The following E2F5 variants were observed in gnomAD, a reference collection of about 807,000 sequenced individuals.
E2F5 encodes transcription factor E2F5.
In E2F5, 23 loss-of-function variants were observed where a neutral mutation model predicts 39.1. That is an observed-to-expected ratio of 0.59 (90% CI 0.42 to 0.83). E2F5 has a LOEUF of 0.83. E2F5 is among the 40% of genes least tolerant of loss of function. E2F5 has a pLI of 0.00. For missense variants in E2F5, 365 were observed against 406.7 expected, an observed-to-expected ratio of 0.90 and a Z score of 0.88; for synonymous variants, 145 against 157.8, an observed-to-expected ratio of 0.92 and a Z score of 0.61.
intron 1 of E2F5, among the ~76,000 whole-genome samples, chr8:85,186,295 T>G (rs1467249863): frequency 6.6e-6 from 1 of 151,324 alleles, no homozygotes; most frequent in African/African-American, 2.4e-5. Context: ...CACTCGTAAG[T>G]GGGAGTTGAA....
Position 85,213,842 on chromosome 8 carries a change from G to A in E2F5, c.1021G>A (p.Val341Ile), listed in dbSNP as rs762537054. 2.5e-6 allele frequency: 4 copies of A among 1,605,112 alleles called. No individual in the cohort carries two copies. The Admixed American group carries it at 6.7e-5, about 27-fold the overall frequency. Residue 341 changes from valine (V) to isoleucine (I), a missense_variant, in exon 8 of 8, where the codon GTC becomes ATC. Physicochemically the swap from Val to Ile is conservative, Grantham distance 29 (BLOSUM62 3). Transcript: ENST00000416274. ...DNEGVCDLFDVQILNY is the reference protein window; with the variant it reads ...DNEGVCDLFDIQILNY The stretch of plus-strand genomic sequence containing the variant: ...CGAAGGAGTTTGTGATCTGTTTGAT[G>A]TCCAGATACTAAATTATTAGATTCC...
intron 4 of E2F5, among the ~76,000 whole-genome samples, chr8:85,206,933 A>G (rs961247026): frequency 3.3e-5 from 5 of 152,192 alleles, no homozygotes; most frequent in African/African-American, 4.8e-5. Context: ...GTTCTATTTT[A>G]CCACTGTATT....
chr8:85,184,029 CA>C (rs1391910897), intron 1 of E2F5, among the ~76,000 whole-genome samples: 1 of 151,826 alleles, frequency 6.6e-6, no homozygotes, highest in Non-Finnish European at 1.5e-5. Context: ...ATCTGTAAGC[CA>C]AGGAGCGAGG....
chr8:85,200,743 G>A (rs1812678684), intron 1 of E2F5, among the ~76,000 whole-genome samples: 2 of 152,328 alleles, frequency 1.3e-5, no homozygotes, highest in South Asian at 2.1e-4. Context: ...CAGCCTCGAA[G>A]TCAAGAGTAA....
intron 1 of E2F5, among the ~76,000 whole-genome samples, chr8:85,195,521 ACTCT>A (rs1338825688): frequency 6.6e-6 from 1 of 152,016 alleles, no homozygotes; most frequent in Non-Finnish European, 1.5e-5. Flanking sequence ...ACAGGGTCTC[ACTCT>A]GTCACCCAGG....
At chr8:85,178,576 A>G in intron 1 of E2F5, among the ~76,000 whole-genome samples, 1 of 152,220 alleles carries the variant, frequency 6.6e-6, no homozygotes, top group East Asian at 1.9e-4. Context: ...GAAACAAACA[A>G]ACAAAAAACA....
At chr8:85,181,288 T>C (rs976070273) in intron 1 of E2F5, among the ~76,000 whole-genome samples, 2 of 152,172 alleles carry the variant, frequency 1.3e-5, no homozygotes, top group African/African-American at 4.8e-5. Context: ...TTCTATCTTA[T>C]GCTGCTGGAG....
intron 1 of E2F5, among the ~76,000 whole-genome samples, chr8:85,189,667 CCT>C (rs1480319870): frequency 6.6e-6 from 1 of 152,150 alleles, no homozygotes; most frequent in Non-Finnish European, 1.5e-5. Context: ...CTGCACCCAA[CCT>C]CTTTTTCCAA....
intron 1 of E2F5, among the ~76,000 whole-genome samples, chr8:85,185,160 CAG>C (rs1812302491): frequency 6.6e-6 from 1 of 152,134 alleles, no homozygotes; most frequent in African/African-American, 2.4e-5. Flanking sequence ...GGTACCAAAA[CAG>C]ATATATAGAC....
chr8:85,194,270 C>T (rs4150906), intron 1 of E2F5, among the ~76,000 whole-genome samples: 3 of 151,998 alleles, frequency 2.0e-5, no homozygotes, highest in African/African-American at 4.8e-5. Flanking sequence ...ATGGGCTATT[C>T]GGCAGTTAAT....
chr8:85,190,468 C>T (rs1038326604), intron 1 of E2F5, among the ~76,000 whole-genome samples: 3 of 146,812 alleles, frequency 2.0e-5, no homozygotes, highest in Non-Finnish European at 3.0e-5. Flanking sequence ...AGTTGCTAAT[C>T]AGCTGATTTT....
intron 1 of E2F5, among the ~76,000 whole-genome samples, chr8:85,192,165 A>T (rs1812481025): frequency 1.3e-5 from 2 of 152,140 alleles, no homozygotes; most frequent in African/African-American, 4.8e-5. Flanking sequence ...GAATAGGAAA[A>T]ATTATCAATG....
Position 85,193,335 on chromosome 8 carries a change from T to A in E2F5, c.235-8812T>A, listed in dbSNP as rs902159100. On this transcript the variant is annotated intron_variant, in intron 1 of 7. Transcript: ENST00000416274. The stretch of plus-strand genomic sequence containing the variant: ...CCCATCTCTACTAAAAATAAAAAAA[T>A]TAGCTGGGCCTGGTGGTGGGTGCCT... 2.0e-5 allele frequency among the ~76,000 whole-genome samples: 3 copies of A among 152,026 alleles called. No homozygotes were observed. In the South Asian group the frequency reaches 6.2e-4, roughly 32 times the overall value.
chr8:85,210,449 A>G (rs1483056661), intron 6 of E2F5, among the ~76,000 whole-genome samples: 2 of 152,088 alleles, frequency 1.3e-5, no homozygotes, highest in African/African-American at 2.4e-5. Context: ...AAGCCAAGGC[A>G]GGCAGATTAC....
chr8:85,209,506 A>G, intron 6 of E2F5, 97 bp downstream of exon 6: 1 of 1,400,422 alleles, frequency 7.1e-7, no homozygotes, highest in East Asian at 2.5e-5. Flanking sequence ...AAATGTCCCA[A>G]GCACTTTTGA....
chr8:85,200,020 G>A (rs1812659526), intron 1 of E2F5, among the ~76,000 whole-genome samples: 1 of 152,086 alleles, frequency 6.6e-6, no homozygotes, highest in African/African-American at 2.4e-5. Context: ...GTCGAGGTGG[G>A]TGGATCATCT....
At chr8:85,190,589 C>T (rs919705406) in intron 1 of E2F5, among the ~76,000 whole-genome samples, 2 of 142,336 alleles carry the variant, frequency 1.4e-5, no homozygotes, top group African/African-American at 2.6e-5. Flanking sequence ...CTGCAACCTC[C>T]GTCTCCCGGG....
intron 1 of E2F5, among the ~76,000 whole-genome samples, chr8:85,194,049 T>C (rs1812525645): frequency 6.6e-6 from 1 of 152,192 alleles, no homozygotes; most frequent in East Asian, 1.9e-4. Context: ...TTTTTTTGTT[T>C]TTGTGAGTTC....
intron 7 of E2F5, chr8:85,213,416 C>G (rs1199646272): frequency 1.2e-5 from 2 of 160,558 alleles, no homozygotes; most frequent in South Asian, 3.4e-4. Context: ...GTGGCAGGCA[C>G]CTGTAGTCCC....
Sources: allele counts gnomAD v4.1 joint callset (sites outside exome capture counted in the v4.1 genomes callset), GRCh38; gene constraint gnomAD v4.1.1; transcripts MANE v1.5; gene names NCBI Gene and HGNC (gene_info 2026-07-23, HGNC 2026-07-21).